ARSG: variants seen among roughly 807,000 people sequenced by gnomAD.
ARSG encodes the protein arylsulfatase G.
Under a neutral mutation model 50.5 loss-of-function variants are expected in ARSG, and 37 were observed. The observed-to-expected ratio is 0.73, with a 90% confidence interval of 0.56 to 0.96. The LOEUF is 0.96. ARSG is among the 50% of genes least tolerant of loss of function. ARSG has a pLI of 0.00. For synonymous variants in ARSG, 225 were observed against 254.6 expected (o/e 0.88, Z 1.11); for missense variants, 629 against 675.3 (o/e 0.93, Z 0.76).
chr17:68,371,999 C>T (rs930228225), intron 8 of ARSG, among the ~76,000 whole-genome samples: 5 of 152,000 alleles, frequency 3.3e-5, no homozygotes, highest in East Asian at 1.9e-4. Flanking sequence ...CTCTGGGCAG[C>T]GGAGGGAGAG....
At chr17:68,268,864 G>C in intron 1 of ARSG, 1 of 679,164 alleles carries the variant, frequency 1.5e-6, no homozygotes, top group Non-Finnish European at 2.4e-6. Context: ...ATATGGAAGA[G>C]TGCTTGGTTG....
chr17:68,408,184 T>A (rs2081824679), intron 11 of ARSG, among the ~76,000 whole-genome samples: 3 of 152,028 alleles, frequency 2.0e-5, no homozygotes. Context: ...GCAGGTTAGT[T>A]ACATATGTAT....
At chr17:68,322,639 TAAAA>T (rs72085510) in intron 2 of ARSG, among the ~76,000 whole-genome samples, 1 of 138,338 alleles carries the variant, frequency 7.2e-6, no homozygotes, top group Admixed American at 7.1e-5. Context: ...AAAAAAAAAT[TAAAA>T]AAAAAAGAAA....
intron 10 of ARSG, among the ~76,000 whole-genome samples, chr17:68,396,135 A>G (rs1182057492): frequency 6.6e-6 from 1 of 151,698 alleles, no homozygotes; most frequent in Non-Finnish European, 1.5e-5. Context: ...CACCCTCCCG[A>G]GTACCTGGGA....
the ARSG span, among the ~76,000 whole-genome samples, chr17:68,435,253 A>G: frequency 6.6e-6 from 1 of 151,820 alleles, no homozygotes; most frequent in Non-Finnish European, 1.5e-5. Context: ...TGATTATTCC[A>G]GGCAGAAGAC....
chr17:68,272,839 T>C, intron 1 of ARSG: 1 of 1,582,082 alleles, frequency 6.3e-7, no homozygotes, highest in Non-Finnish European at 8.6e-7. Context: ...CATTAAAAGA[T>C]CTGGGATTTT....
At chr17:68,426,170 A>C, downstream of ARSG, 1 of 1,603,148 alleles carries the variant, frequency 6.2e-7, no homozygotes. Flanking sequence ...CCGTCCTCAG[A>C]ATAACCTGGA....
At chr17:68,408,025 T>A (rs1292947287) in intron 11 of ARSG, among the ~76,000 whole-genome samples, 2 of 151,600 alleles carry the variant, frequency 1.3e-5, no homozygotes, top group African/African-American at 2.4e-5. Flanking sequence ...TTTTTTTTTT[T>A]ATTGGTGCAA....
intron 1 of ARSG, among the ~76,000 whole-genome samples, chr17:68,302,142 C>T (rs560485905): frequency 6.6e-6 from 1 of 152,210 alleles, no homozygotes; most frequent in East Asian, 1.9e-4. Flanking sequence ...TGACAGAATG[C>T]GTTGGGGAGT....
chr17:68,436,634 G>A, the ARSG span, among the ~76,000 whole-genome samples: 1 of 152,196 alleles, frequency 6.6e-6, no homozygotes, highest in Non-Finnish European at 1.5e-5. Context: ...TGATTCTTCT[G>A]ATTAAGGCTT....
intron 3 of ARSG, 139 bp from the exon 4 acceptor site, chr17:68,346,984 TAC>T (rs2078536306): frequency 6.5e-7 from 1 of 1,543,512 alleles, no homozygotes; most frequent in East Asian, 2.4e-5. Flanking sequence ...GCCTGGCTTG[TAC>T]ACCACATTGC....
chr17:68,402,798 T>C (rs2081536151), intron 11 of ARSG, among the ~76,000 whole-genome samples: 1 of 152,220 alleles, frequency 6.6e-6, no homozygotes, highest in Admixed American at 6.5e-5. Context: ...GTGCTGGGAT[T>C]ACAGGCATGA....
chr17:68,324,488 C>T (rs1406364493), intron 2 of ARSG, among the ~76,000 whole-genome samples: 9 of 152,304 alleles, frequency 5.9e-5, no homozygotes, highest in South Asian at 2.1e-4. Flanking sequence ...AACCTTCCCT[C>T]GCGTGGCTGT....
chr17:68,351,332 C>T lies in ARSG; in HGVS notation c.455-243C>T, dbSNP rs184573551. On this transcript the variant is annotated intron_variant, in intron 4 of 11. Transcript: ENST00000621439. The stretch of plus-strand genomic sequence containing the variant: ...GGCATTCAATAATTCTCTCCACTTC[C>T]TCCCAAACTGGGTTAATTCTAATCA... 7.2e-3 allele frequency among the ~76,000 whole-genome samples: 1,094 copies of T among 152,204 alleles called. 3 individuals carry two copies. Among genetic ancestry groups the T allele is most frequent in the Admixed American group, 0.012 (190 of 15,278 alleles).
chr17:68,350,936 C>T (rs778184575), intron 4 of ARSG, among the ~76,000 whole-genome samples: 2 of 152,148 alleles, frequency 1.3e-5, no homozygotes, highest in Non-Finnish European at 2.9e-5. Flanking sequence ...CACCTTCACT[C>T]CACCACTCCA....
At chr17:68,266,068 T>C (rs1166488666) in intron 1 of ARSG, among the ~76,000 whole-genome samples, 2 of 152,132 alleles carry the variant, frequency 1.3e-5, no homozygotes, top group Non-Finnish European at 2.9e-5. Flanking sequence ...CTGTAACTGG[T>C]TGTGGTCTTT....
intron 4 of ARSG, among the ~76,000 whole-genome samples, chr17:68,350,385 A>T (rs2078701721): frequency 6.6e-6 from 1 of 152,222 alleles, no homozygotes; most frequent in African/African-American, 2.4e-5. Context: ...ATCTACCTCT[A>T]GGAAATAAAG....
intron 1 of ARSG, among the ~76,000 whole-genome samples, chr17:68,275,744 G>A (rs1341219015): frequency 6.6e-6 from 1 of 152,070 alleles, no homozygotes; most frequent in Non-Finnish European, 1.5e-5. Context: ...CACTTTGGGA[G>A]GCCGAAGCAG....
chr17:68,398,188 G>A (rs1272938782), intron 10 of ARSG, among the ~76,000 whole-genome samples: 9 of 152,098 alleles, frequency 5.9e-5, no homozygotes, highest in East Asian at 1.9e-4. Context: ...ACACATGTTC[G>A]CATATGCATG....
Sources: gnomAD v4.1 joint callset for allele counts (sites outside exome capture counted in the v4.1 genomes callset) on GRCh38, gnomAD v4.1.1 for gene constraint, MANE v1.5 for transcripts, NCBI Gene and HGNC (gene_info 2026-07-23, HGNC 2026-07-21) for gene names.